Variants in EVI5 observed in about 807,000 individuals in gnomAD.
EVI5 encodes ecotropic viral integration site 5, also known as ecotropic viral integration site 5 protein homolog.
A neutral mutation model predicts 112.0 loss-of-function variants in EVI5; 73 were observed. The observed-to-expected ratio is 0.65, with a 90% CI of 0.54 to 0.79. The LOEUF is 0.79. Ranked by LOEUF, EVI5 falls within the 30% of genes least tolerant of loss-of-function variation. The probability of loss-of-function intolerance (pLI) is 0.00; values close to 1 mark genes in which losing one functional copy is unlikely to be tolerated. For missense variants in EVI5, 900 were observed against 968.8 expected (o/e 0.93, Z 0.94); for synonymous variants, 305 against 319.9 (o/e 0.95, Z 0.50).
At chr1:92,675,219 CTG>C (rs1666526933) in intron 10 of EVI5, among the ~76,000 whole-genome samples, 2 of 152,142 alleles carry the variant, frequency 1.3e-5, no homozygotes, top group Admixed American at 1.3e-4. Context: ...TGGTGTGCAC[CTG>C]TAGTCCCAGC....
chr1:92,653,594 A>C (rs1662517081), intron 13 of EVI5, among the ~76,000 whole-genome samples: 1 of 152,222 alleles, frequency 6.6e-6, no homozygotes, highest in South Asian at 2.1e-4. Flanking sequence ...GGAAACTGGC[A>C]TGGGTGCATC....
chr1:92,677,962 A>G (rs143307549), intron 9 of EVI5, among the ~76,000 whole-genome samples: 1 of 152,320 alleles, frequency 6.6e-6, no homozygotes, highest in African/African-American at 2.4e-5. Flanking sequence ...ACAGAAAACC[A>G]AAAACCCATG....
At chr1:92,739,629 C>T (rs1056607197) in intron 1 of EVI5, among the ~76,000 whole-genome samples, 10 of 152,086 alleles carry the variant, frequency 6.6e-5, no homozygotes, top group Middle Eastern at 3.4e-3. Flanking sequence ...GTAGTAAAAG[C>T]GTTACATACT....
intron 16 of EVI5, among the ~76,000 whole-genome samples, chr1:92,617,531 A>G (rs964787290): frequency 2.0e-5 from 3 of 152,180 alleles, no homozygotes; most frequent in Non-Finnish European, 2.9e-5. Flanking sequence ...CTCTTTTCCA[A>G]GCCACCCATC....
intron 18 of EVI5, among the ~76,000 whole-genome samples, chr1:92,591,521 T>G (rs1011334097): frequency 6.6e-6 from 1 of 152,108 alleles, no homozygotes; most frequent in Non-Finnish European, 1.5e-5. Flanking sequence ...AAGAAGGCCA[T>G]TACATAATGG....
At chr1:92,637,975 T>C (rs1040372339) in intron 13 of EVI5, among the ~76,000 whole-genome samples, 2 of 152,206 alleles carry the variant, frequency 1.3e-5, no homozygotes, top group East Asian at 3.8e-4. Flanking sequence ...ACTTACCTTT[T>C]ATCAATTAGG....
At position 92,694,354 on chromosome 1, in the gene EVI5, A is replaced by G; in HGVS notation, c.944T>C (p.Leu315Pro). Residue 315 changes from leucine (L) to proline (P), a missense_variant, in exon 8 of 20, where the codon CTT (leucine) becomes CCT (proline). Coordinates refer to ENST00000684568, the MANE Select transcript of EVI5 (RefSeq NM_001350197.2). ...LEIVFRVGLALLQMNQAELMQ... is the reference protein window; with the variant it reads ...LEIVFRVGLAPLQMNQAELMQ... Reference sequence around the variant, plus strand: ...CAGTTCTGCCTGATTCATCTGAAGAAGTGCTAATCCTACACGAAACACTAT... The same window carrying G: ...CAGTTCTGCCTGATTCATCTGAAGAGGTGCTAATCCTACACGAAACACTAT... 1 of 1,606,976 alleles carries G rather than the reference A, an allele frequency of 6.2e-7. No individual in the cohort carries two copies. The highest frequency in any genetic ancestry group is 8.5e-7 in the Non-Finnish European group (1 of 1,174,414).
chr1:92,583,869 T>C (rs1314310036), intron 18 of EVI5, among the ~76,000 whole-genome samples: 1 of 152,162 alleles, frequency 6.6e-6, no homozygotes. Flanking sequence ...TACTCCTGGC[T>C]ATTAACATTT....
chr1:92,526,960 T>C (rs1661980826), intron 19 of EVI5, among the ~76,000 whole-genome samples: 1 of 152,202 alleles, frequency 6.6e-6, no homozygotes, highest in African/African-American at 2.4e-5. Flanking sequence ...GGGCATACGG[T>C]AACTCTCTTA....
chr1:92,745,054 C>G (rs1679054482), intron 1 of EVI5, among the ~76,000 whole-genome samples: 2 of 151,756 alleles, frequency 1.3e-5, no homozygotes, highest in South Asian at 4.2e-4. Context: ...CCTCAGCCTC[C>G]TGAGTAGCTG....
intron 13 of EVI5, among the ~76,000 whole-genome samples, chr1:92,654,995 C>A (rs1246375850): frequency 6.6e-6 from 1 of 152,012 alleles, no homozygotes; most frequent in Non-Finnish European, 1.5e-5. Context: ...AATGTCTAAA[C>A]CTACAAGTCA....
intron 18 of EVI5, among the ~76,000 whole-genome samples, chr1:92,578,342 C>CT (rs557694474): frequency 7.9e-5 from 12 of 151,944 alleles, no homozygotes; most frequent in Admixed American, 5.9e-4. Context: ...ACTAAATCCT[C>CT]TTTTTTTTGG....
intron 18 of EVI5, among the ~76,000 whole-genome samples, chr1:92,565,951 A>AAAAAAAAAAAAAAAAAAAAAAAAG (rs1557801324): frequency 6.9e-6 from 1 of 144,454 alleles, no homozygotes; most frequent in African/African-American, 2.7e-5. Flanking sequence ...GCCCGAGCAA[A>AAAAAAAAAAAAAAAAAAAAAAAAG]AAAAAAAAAA....
chr1:92,754,973 ATGTAAG>A (rs1330990245), intron 1 of EVI5, among the ~76,000 whole-genome samples: 10 of 152,110 alleles, frequency 6.6e-5, no homozygotes, highest in East Asian at 3.8e-4. Flanking sequence ...ATAAACATAC[ATGTAAG>A]TATAATGTTA....
At chr1:92,631,224 T>C (rs1373693878) in intron 14 of EVI5, among the ~76,000 whole-genome samples, 4 of 152,126 alleles carry the variant, frequency 2.6e-5, no homozygotes, top group Non-Finnish European at 4.4e-5. Context: ...AAGAAAGTCA[T>C]TGGTAGCTTG....
chr1:92,749,666 G>A (rs1477947853), intron 1 of EVI5, among the ~76,000 whole-genome samples: 1 of 151,954 alleles, frequency 6.6e-6, no homozygotes, highest in Non-Finnish European at 1.5e-5. Context: ...TACTGAATAT[G>A]AGTATTCACT....
At chr1:92,648,190 C>CAAAAAAAAAAAAA (rs961901260) in intron 13 of EVI5, among the ~76,000 whole-genome samples, 11 of 24,084 alleles carry the variant, frequency 4.6e-4, no homozygotes, top group Non-Finnish European at 6.0e-4. Flanking sequence ...ACTAAAAATA[C>CAAAAAAAAAAAAA]AAAAAAAAAA....
intron 10 of EVI5, among the ~76,000 whole-genome samples, chr1:92,676,915 G>A (rs889514482): frequency 1.3e-5 from 2 of 152,156 alleles, no homozygotes; most frequent in African/African-American, 4.8e-5. Context: ...CTTCTCCATG[G>A]AAGTGTTTTC....
At chr1:92,659,462 A>G (rs1395187924) in intron 13 of EVI5, among the ~76,000 whole-genome samples, 1 of 152,188 alleles carries the variant, frequency 6.6e-6, no homozygotes, top group East Asian at 1.9e-4. Context: ...TTTTCAAAAG[A>G]AGACATACAA....
Sources: allele counts gnomAD v4.1 joint callset (sites outside exome capture counted in the v4.1 genomes callset), GRCh38; gene constraint gnomAD v4.1.1; transcripts MANE v1.5; gene names NCBI Gene and HGNC (gene_info 2026-07-23, HGNC 2026-07-21).